Variants in ASIC2 observed in about 807,000 individuals in gnomAD.
ASIC2 encodes acid-sensing ion channel 2.
Under a neutral mutation model 57.3 loss-of-function variants are expected in ASIC2, and 25 were observed. The observed-to-expected ratio is 0.44, with a 90% confidence interval of 0.32 to 0.61. The LOEUF (loss-of-function observed/expected upper bound fraction) is 0.61, where lower values mean the gene tolerates loss of function less well. ASIC2 is among the 20% of genes least tolerant of loss of function. The pLI is 0.06. For synonymous variants in ASIC2, 319 were observed against 307.5 expected (o/e 1.04, Z -0.39); for missense variants, 641 against 738.1 (o/e 0.87, Z 1.52).
At chr17:33,852,365 C>T (rs967058843) in intron 1 of ASIC2, among the ~76,000 whole-genome samples, 2 of 152,168 alleles carry the variant, frequency 1.3e-5, no homozygotes, top group African/African-American at 2.4e-5. Flanking sequence ...GATCACCTTA[C>T]GTCCCCTTTC....
At chr17:33,529,403 C>T (rs1280569814) in intron 1 of ASIC2, among the ~76,000 whole-genome samples, 3 of 152,128 alleles carry the variant, frequency 2.0e-5, no homozygotes, top group African/African-American at 7.2e-5. Flanking sequence ...TTCATGTGTG[C>T]TCCCTGGGCC....
At chr17:33,170,991 T>C (rs751044334) in intron 1 of ASIC2, among the ~76,000 whole-genome samples, 5 of 152,154 alleles carry the variant, frequency 3.3e-5, no homozygotes, top group Non-Finnish European at 5.9e-5. Context: ...ATGTGTGATG[T>C]TGTGGGCCTC....
At chr17:33,648,345 C>G (rs1005888661) in intron 1 of ASIC2, among the ~76,000 whole-genome samples, 2 of 152,224 alleles carry the variant, frequency 1.3e-5, no homozygotes, top group Non-Finnish European at 2.9e-5. Context: ...TTCCAGTGCA[C>G]TGTCCTGGCT....
intron 1 of ASIC2, among the ~76,000 whole-genome samples, chr17:33,540,351 A>G (rs1915368443): frequency 6.6e-6 from 1 of 152,174 alleles, no homozygotes; most frequent in African/African-American, 2.4e-5. Flanking sequence ...CTAAGATCCT[A>G]TTTCCAAATA....
intron 1 of ASIC2, among the ~76,000 whole-genome samples, chr17:33,202,642 T>G (rs576459046): frequency 6.6e-6 from 1 of 152,346 alleles, no homozygotes; most frequent in Non-Finnish European, 1.5e-5. Flanking sequence ...TTCCATTAAC[T>G]TATAGATATA....
intron 1 of ASIC2, among the ~76,000 whole-genome samples, chr17:33,527,040 C>T (rs879773955): frequency 5.9e-5 from 9 of 152,194 alleles, no homozygotes; most frequent in African/African-American, 1.7e-4. Flanking sequence ...TGTTTCTGGT[C>T]GGAGCCCCCA....
At chr17:33,640,788 G>A (rs1391012805) in intron 1 of ASIC2, among the ~76,000 whole-genome samples, 1 of 152,182 alleles carries the variant, frequency 6.6e-6, no homozygotes, top group African/African-American at 2.4e-5. Flanking sequence ...GTCCCTCGTA[G>A]GTATTGCTGA....
intron 3 of ASIC2, among the ~76,000 whole-genome samples, chr17:33,040,928 T>C (rs956571189): frequency 1.3e-5 from 2 of 152,118 alleles, no homozygotes; most frequent in African/African-American, 4.8e-5. Flanking sequence ...ACCAGCTGAG[T>C]GGTCCAACCT....
At chr17:33,885,929 T>G (rs1372440501) in intron 1 of ASIC2, among the ~76,000 whole-genome samples, 1 of 152,182 alleles carries the variant, frequency 6.6e-6, no homozygotes, top group Non-Finnish European at 1.5e-5. Context: ...TCAACTATGA[T>G]TGCTTTGAGG....
chr17:33,594,331 G>A (rs574684680), intron 1 of ASIC2, among the ~76,000 whole-genome samples: 13 of 152,228 alleles, frequency 8.5e-5, no homozygotes, highest in Admixed American at 7.2e-4. Flanking sequence ...GAGCAGGTAC[G>A]GCTCTGGGGA....
At chr17:33,363,948 C>T (rs1437947720) in intron 1 of ASIC2, among the ~76,000 whole-genome samples, 1 of 152,186 alleles carries the variant, frequency 6.6e-6, no homozygotes, top group Admixed American at 6.5e-5. Flanking sequence ...TGGAAAGCTG[C>T]TTTGGTTGCT....
chr17:33,575,973 C>T (rs909051442), intron 1 of ASIC2, among the ~76,000 whole-genome samples: 5 of 152,166 alleles, frequency 3.3e-5, no homozygotes, highest in African/African-American at 9.7e-5. Flanking sequence ...GATTTGGAAA[C>T]AGAGTCCATC....
At chr17:34,055,800 A>G (rs890018644) in intron 1 of ASIC2, among the ~76,000 whole-genome samples, 3 of 152,166 alleles carry the variant, frequency 2.0e-5, no homozygotes, top group African/African-American at 7.2e-5. Flanking sequence ...ATTGTTCCCA[A>G]TTTTTGGCTA....
chr17:33,810,879 A>ACC (rs1462806014), intron 1 of ASIC2, among the ~76,000 whole-genome samples: 1 of 151,442 alleles, frequency 6.6e-6, no homozygotes, highest in East Asian at 1.9e-4. Flanking sequence ...ACACATACAC[A>ACC]CACACACACA....
intron 1 of ASIC2, among the ~76,000 whole-genome samples, chr17:33,233,747 G>A (rs977633176): frequency 6.6e-6 from 1 of 151,914 alleles, no homozygotes; most frequent in Non-Finnish European, 1.5e-5. Context: ...TGAGGTGCTA[G>A]CTCTTTAAAA....
chr17:33,884,508 A>G (rs773332887), intron 1 of ASIC2, among the ~76,000 whole-genome samples: 17 of 152,174 alleles, frequency 1.1e-4, no homozygotes, highest in Admixed American at 2.6e-4. Context: ...CTTTAGTGGC[A>G]GCTAAGATGT....
intron 1 of ASIC2, among the ~76,000 whole-genome samples, chr17:33,782,129 G>C (rs1439089384): frequency 6.6e-6 from 1 of 151,992 alleles, no homozygotes; most frequent in Non-Finnish European, 1.5e-5. Context: ...TTTCAACCAG[G>C]GTCTTTTGTA....
chr17:34,156,560 C>T lies in ASIC2; in HGVS notation c.-28G>A, dbSNP rs752627410. 4 of 1,545,032 alleles carry T rather than the reference C, an allele frequency of 2.6e-6. No individual in the cohort carries two copies. In the South Asian group the frequency reaches 3.7e-5, roughly 14 times the overall value. Reference sequence around the variant, plus strand: ...GGACCCCGTGCAGTTCCGCAACTGGCTTCAGGTTGATCGAATTTCAGAGAA... The same window carrying T: ...GGACCCCGTGCAGTTCCGCAACTGGTTTCAGGTTGATCGAATTTCAGAGAA... On this transcript the variant is annotated 5_prime_UTR_variant, in exon 1 of 10. Coordinates refer to the ASIC2 transcript ENST00000359872. This position sits in a 1 kb window ranked among gnomAD's most constrained non-coding sequence, Gnocchi z 4.4.
intron 1 of ASIC2, among the ~76,000 whole-genome samples, chr17:34,057,112 G>A (rs1908795207): frequency 6.6e-6 from 1 of 151,754 alleles, no homozygotes; most frequent in African/African-American, 2.4e-5. Context: ...ACCTTTTGTT[G>A]GGCACTAAAT....
Sources: gnomAD v4.1 joint callset for allele counts (sites outside exome capture counted in the v4.1 genomes callset) on GRCh38, gnomAD v4.1.1 for gene constraint, Gnocchi (gnomAD v3.1) non-coding constraint, MANE v1.5 for transcripts, NCBI Gene and HGNC (gene_info 2026-07-23, HGNC 2026-07-21) for gene names.